Variants in BTBD9 observed in about 807,000 individuals in gnomAD.
BTBD9 encodes the protein BTB/POZ domain-containing protein 9.
Under a neutral mutation model 64.3 loss-of-function variants are expected in BTBD9, and 49 were observed. The observed-to-expected ratio is 0.76, with a 90% confidence interval of 0.61 to 0.97. The LOEUF (loss-of-function observed/expected upper bound fraction) is 0.97, where lower values mean the gene tolerates loss of function less well. Ranked by LOEUF, BTBD9 falls within the 50% of genes least tolerant of loss-of-function variation. The probability of loss-of-function intolerance (pLI) is 0.00; values close to 1 mark genes in which losing one functional copy is unlikely to be tolerated. For synonymous variants in BTBD9, 260 were observed against 274.7 expected (o/e 0.95, Z 0.53); for missense variants, 598 against 762.1 (o/e 0.78, Z 2.53).
In BTBD9 at chr6:38,594,069, A is replaced by G. The variant is rs755231865; in HGVS notation, c.444T>C (p.Val148=). 6.2e-7 allele frequency: 1 copy of G among 1,614,082 alleles called. No individual in the cohort carries two copies. The highest frequency in any genetic ancestry group is 1.3e-5 in the African/African-American group (1 of 74,938). Residue 148 remains valine (V), a synonymous_variant, in exon 3 of 11, where the codon GTT becomes GTC. Transcript: ENST00000481247. The stretch of plus-strand genomic sequence containing the variant: ...ACTTGGGAAGTGAGTAGAGACTGGC[A>G]ACATCAAAAGTCATGCAGACATTCT... The part of the protein sequence containing the change: ...NIQNVCMTFD[V]ASLYSLPKLT...
At chr6:38,592,119 T>C (rs1347858404) in intron 4 of BTBD9, among the ~76,000 whole-genome samples, 2 of 151,432 alleles carry the variant, frequency 1.3e-5, no homozygotes, top group African/African-American at 2.4e-5. Context: ...GGAGGCGAGG[T>C]TGCAGTGAGC....
intron 6 of BTBD9, among the ~76,000 whole-genome samples, chr6:38,401,379 T>C (rs540953429): frequency 6.6e-6 from 1 of 152,354 alleles, no homozygotes; most frequent in South Asian, 2.1e-4. Context: ...GTTAAACCTC[T>C]TTCCTTTATA....
intron 6 of BTBD9, among the ~76,000 whole-genome samples, chr6:38,470,150 C>G (rs1257840131): frequency 6.6e-6 from 1 of 152,178 alleles, no homozygotes; most frequent in Admixed American, 6.5e-5. Flanking sequence ...TGTTTTGTTG[C>G]CAGTAATCTT....
intron 7 of BTBD9, among the ~76,000 whole-genome samples, chr6:38,297,059 T>C (rs543127610): frequency 1.6e-4 from 25 of 152,352 alleles, no homozygotes; most frequent in African/African-American, 5.8e-4. Flanking sequence ...TACTAATTAC[T>C]GGGAGATGTT....
intron 1 of BTBD9, among the ~76,000 whole-genome samples, chr6:38,606,953 G>A (rs1777450691): frequency 6.6e-6 from 1 of 152,158 alleles, no homozygotes; most frequent in Admixed American, 6.5e-5. Context: ...TAAGATATCA[G>A]AAATGATTCT....
intron 6 of BTBD9, among the ~76,000 whole-genome samples, chr6:38,449,963 G>A (rs1769446172): frequency 6.6e-6 from 1 of 152,078 alleles, no homozygotes; most frequent in Non-Finnish European, 1.5e-5. Context: ...AGCTCCTTCT[G>A]CACTCCTATG....
At chr6:38,296,763 C>A (rs924585280) in intron 7 of BTBD9, among the ~76,000 whole-genome samples, 13 of 152,044 alleles carry the variant, frequency 8.6e-5, no homozygotes, top group African/African-American at 3.1e-4. Context: ...CTTTGACCCA[C>A]GAATTATTCA....
intron 6 of BTBD9, among the ~76,000 whole-genome samples, chr6:38,447,920 A>C (rs1412719583): frequency 1.3e-5 from 2 of 152,226 alleles, no homozygotes; most frequent in Admixed American, 6.5e-5. Flanking sequence ...AGACTGGAGA[A>C]AGATACGTGG....
At chr6:38,507,555 GA>G (rs1185148806) in intron 6 of BTBD9, among the ~76,000 whole-genome samples, 1 of 152,124 alleles carries the variant, frequency 6.6e-6, no homozygotes, top group Non-Finnish European at 1.5e-5. Flanking sequence ...AAAGCAAATG[GA>G]AATGTCTTAC....
At chr6:38,479,434 C>T (rs1318571998) in intron 6 of BTBD9, among the ~76,000 whole-genome samples, 1 of 152,072 alleles carries the variant, frequency 6.6e-6, no homozygotes, top group Non-Finnish European at 1.5e-5. Flanking sequence ...GGTTACATGA[C>T]AAACATGAGG....
intron 6 of BTBD9, 86 bp from the exon 7 acceptor site, chr6:38,345,179 A>G (rs1420975612): frequency 1.3e-6 from 1 of 796,420 alleles, no homozygotes; most frequent in African/African-American, 1.7e-5. Context: ...CACGTCACCT[A>G]AACATAGAGT....
chr6:38,439,110 C>CTTTTTTTTTTTTTTT (rs35699356), intron 6 of BTBD9, among the ~76,000 whole-genome samples: 8 of 64,052 alleles, frequency 1.2e-4, no homozygotes, highest in East Asian at 6.5e-4. Context: ...TAGCAACTGA[C>CTTTTTTTTTTTTTTT]TTTTTTTTTT....
At chr6:38,432,664 C>A (rs917711913) in intron 6 of BTBD9, among the ~76,000 whole-genome samples, 2 of 151,908 alleles carry the variant, frequency 1.3e-5, no homozygotes, top group African/African-American at 2.4e-5. Flanking sequence ...ATTCTGGCAA[C>A]CCACTGACCT....
intron 6 of BTBD9, among the ~76,000 whole-genome samples, chr6:38,526,604 T>C (rs1279839095): frequency 1.3e-5 from 2 of 152,222 alleles, no homozygotes; most frequent in Admixed American, 1.3e-4. Flanking sequence ...CACCAGCCCA[T>C]GAAGGAGCTG....
chr6:38,447,471 A>G (rs1223595908), intron 6 of BTBD9, among the ~76,000 whole-genome samples: 3 of 152,326 alleles, frequency 2.0e-5, no homozygotes. Flanking sequence ...TGTAAAGCGC[A>G]CTGACATCCT....
chr6:38,331,878 T>A (rs1264566247), intron 7 of BTBD9, among the ~76,000 whole-genome samples: 1 of 152,086 alleles, frequency 6.6e-6, no homozygotes, highest in African/African-American at 2.4e-5. Context: ...AAAAAAGAAA[T>A]ATTTTACTTA....
intron 4 of BTBD9, among the ~76,000 whole-genome samples, chr6:38,590,677 A>G (rs1776754049): frequency 6.6e-6 from 1 of 152,248 alleles, no homozygotes; most frequent in Non-Finnish European, 1.5e-5. Flanking sequence ...TCTTCTTCAA[A>G]GAAGTACTGT....
intron 7 of BTBD9, 96 bp downstream of exon 7, chr6:38,344,888 G>C: frequency 1.4e-6 from 1 of 698,182 alleles, no homozygotes; most frequent in Non-Finnish European, 2.2e-6. Flanking sequence ...ATCAACCAGA[G>C]TCCTTAGAAC....
intron 6 of BTBD9, among the ~76,000 whole-genome samples, chr6:38,484,508 T>G (rs1456323011): frequency 1.3e-5 from 2 of 152,224 alleles, no homozygotes; most frequent in Non-Finnish European, 2.9e-5. Flanking sequence ...GTGCTTCCTT[T>G]GTACCAAGAC....
Sources: allele counts gnomAD v4.1 joint callset (sites outside exome capture counted in the v4.1 genomes callset), GRCh38; gene constraint gnomAD v4.1.1; transcripts MANE v1.5; gene names NCBI Gene and HGNC (gene_info 2026-07-23, HGNC 2026-07-21).